The following ZDHHC15 variants were observed in gnomAD, a reference collection of about 807,000 sequenced individuals.
ZDHHC15 encodes zDHHC palmitoyltransferase 15, also known as palmitoyltransferase ZDHHC15.
A neutral mutation model predicts 31.7 loss-of-function variants in ZDHHC15; 19 were observed. The ratio of observed to expected loss-of-function variants is 0.60; its 90% CI spans 0.42 to 0.88. The LOEUF is 0.88. ZDHHC15 is among the 40% of genes least tolerant of loss of function. ZDHHC15 has a pLI of 0.00. For synonymous variants in ZDHHC15, 103 were observed against 90.0 expected, an observed-to-expected ratio of 1.14 and a Z score of -0.82; for missense variants, 209 against 251.2, an observed-to-expected ratio of 0.83 and a Z score of 1.14.
chrX:75,459,526 A>G (rs1423999642), intron 3 of ZDHHC15, among the ~76,000 whole-genome samples: 2 of 111,397 alleles, frequency 1.8e-5, no homozygotes, highest in Non-Finnish European at 3.8e-5. Flanking sequence ...CCAACAGTGA[A>G]GCGTACCTAC....
chrX:75,488,394 T>C (rs769598768), intron 2 of ZDHHC15, among the ~76,000 whole-genome samples: 20 of 111,841 alleles, frequency 1.8e-4, no homozygotes, highest in South Asian at 7.4e-4. Context: ...TAATTGTCAG[T>C]CAAGAATTTT....
intron 1 of ZDHHC15, among the ~76,000 whole-genome samples, chrX:75,511,892 A>G (rs1404694717): frequency 2.8e-5 from 1 of 35,787 alleles, no homozygotes; most frequent in East Asian, 8.5e-4. Context: ...TCCTCAATAA[A>G]ATACTGGCAA....
chrX:75,409,935 C>A (rs2083466765), intron 10 of ZDHHC15, among the ~76,000 whole-genome samples: 1 of 110,067 alleles, frequency 9.1e-6, no homozygotes, highest in Non-Finnish European at 1.9e-5. Flanking sequence ...TAAGTCTACA[C>A]ATTTACAGTC....
At chrX:75,497,244 A>G (rs1424528229) in intron 2 of ZDHHC15, among the ~76,000 whole-genome samples, 2 of 111,602 alleles carry the variant, frequency 1.8e-5, no homozygotes, top group Non-Finnish European at 3.8e-5. Flanking sequence ...GAGGAGATGG[A>G]TAAATTCCTA....
intron 3 of ZDHHC15, among the ~76,000 whole-genome samples, chrX:75,467,669 T>C (rs1369101474): frequency 8.9e-6 from 1 of 112,529 alleles, no homozygotes; most frequent in Admixed American, 9.4e-5. Flanking sequence ...GTTAGGGCTA[T>C]GAAATTCCCA....
intron 10 of ZDHHC15, among the ~76,000 whole-genome samples, chrX:75,396,576 T>C (rs1411942737): frequency 8.9e-6 from 1 of 111,942 alleles, no homozygotes; most frequent in Non-Finnish European, 1.9e-5. Context: ...TGGAGTATAG[T>C]TTGGCATTTC....
chrX:75,490,627 G>C (rs938861304), intron 2 of ZDHHC15, among the ~76,000 whole-genome samples: 1 of 111,561 alleles, frequency 9.0e-6, no homozygotes, highest in Non-Finnish European at 1.9e-5. Context: ...CCATGTGCAT[G>C]GAATGTTCTT....
chrX:75,397,258 C>T (rs5937373), intron 10 of ZDHHC15, among the ~76,000 whole-genome samples: 63,897 of 107,312 alleles, frequency 0.6, 17,083 homozygotes, highest in Middle Eastern at 0.82. Context: ...ACCCAGGAGG[C>T]GGAGGTTGCA....
At chrX:75,483,732 T>C (rs760847103) in intron 2 of ZDHHC15, among the ~76,000 whole-genome samples, 1 of 111,769 alleles carries the variant, frequency 8.9e-6, no homozygotes, top group Non-Finnish European at 1.9e-5. Context: ...TGGTTTAAAA[T>C]GGATAGTTGA....
intron 9 of ZDHHC15, among the ~76,000 whole-genome samples, chrX:75,418,634 C>G (rs1052071897): frequency 8.9e-6 from 1 of 111,743 alleles, no homozygotes; most frequent in African/African-American, 3.3e-5. Flanking sequence ...GCCAATGGAA[C>G]AGAACAGAGG....
At position 75,375,282 on chromosome X, in the gene ZDHHC15, T is replaced by A. The variant is rs191176878; in HGVS notation, c.*33-2337A>T. Among the ~76,000 whole-genome samples the A allele has an allele frequency of 5.9e-4, 66 of 111,953 alleles. 2 individuals are homozygous for A. In the Admixed American group the frequency reaches 6.1e-3, roughly 10 times the overall value. Reference sequence around the variant, plus strand: ...GGCTGACTTAATAGATAAAAATTAGTATTTTAGGTTATTTTAATTTGCATT... The same window carrying A: ...GGCTGACTTAATAGATAAAAATTAGAATTTTAGGTTATTTTAATTTGCATT... On this transcript the variant is annotated intron_variant, in intron 11 of 11. Coordinates refer to ENST00000373367, the MANE Select transcript of ZDHHC15 (RefSeq NM_144969.3).
At chrX:75,481,276 C>T (rs980971098) in intron 2 of ZDHHC15, among the ~76,000 whole-genome samples, 8 of 111,637 alleles carry the variant, frequency 7.2e-5, no homozygotes, top group African/African-American at 2.6e-4. Flanking sequence ...TTTACCCTCT[C>T]ATTATACACT....
intron 2 of ZDHHC15, 106 bp downstream of exon 2, chrX:75,505,715 G>C: frequency 1.1e-6 from 1 of 950,611 alleles, no homozygotes; most frequent in Non-Finnish European, 1.5e-6. Flanking sequence ...CCTCACCCAA[G>C]TTTATTTCTG....
chrX:75,379,845 G>T (rs2083096541), intron 10 of ZDHHC15, among the ~76,000 whole-genome samples: 1 of 111,723 alleles, frequency 9.0e-6, no homozygotes, highest in African/African-American at 3.3e-5. Context: ...TCTTTTATGT[G>T]CCATTCAGAG....
chrX:75,490,028 G>C (rs1479555406), intron 2 of ZDHHC15, among the ~76,000 whole-genome samples: 1 of 111,524 alleles, frequency 9.0e-6, no homozygotes, highest in Non-Finnish European at 1.9e-5. Context: ...AGCGAGAAGA[G>C]AGGTTTAGAG....
intron 3 of ZDHHC15, among the ~76,000 whole-genome samples, chrX:75,466,328 T>G (rs2084405687): frequency 8.9e-6 from 1 of 111,952 alleles, no homozygotes. Context: ...AAGAATGCCT[T>G]TACACTGTTG....
chrX:75,383,518 C>T (rs920633794), intron 10 of ZDHHC15, among the ~76,000 whole-genome samples: 1 of 110,477 alleles, frequency 9.1e-6, no homozygotes, highest in Non-Finnish European at 1.9e-5. Flanking sequence ...CAATACAGAT[C>T]CTATCTAGTC....
At chrX:75,478,270 A>G (rs188326404) in intron 3 of ZDHHC15, among the ~76,000 whole-genome samples, 55 of 112,326 alleles carry the variant, frequency 4.9e-4, no homozygotes, top group African/African-American at 1.6e-3. Flanking sequence ...CTAAATAAAT[A>G]AAATAATCAC....
chrX:75,465,597 A>G (rs2084390873), intron 3 of ZDHHC15, among the ~76,000 whole-genome samples: 1 of 111,855 alleles, frequency 8.9e-6, no homozygotes, highest in East Asian at 2.8e-4. Context: ...GCAGAAGAAC[A>G]GACACATAGA....
Sources: gnomAD v4.1 joint callset for allele counts (sites outside exome capture counted in the v4.1 genomes callset) on GRCh38, gnomAD v4.1.1 for gene constraint, MANE v1.5 for transcripts, NCBI Gene and HGNC (gene_info 2026-07-23, HGNC 2026-07-21) for gene names.